Variants in STXBP4 observed in about 807,000 individuals in gnomAD.
STXBP4 encodes the protein syntaxin binding protein 4, also known as syntaxin-binding protein 4.
STXBP4 carries 55 observed loss-of-function variants against 76.1 expected under a neutral mutation model. The observed-to-expected ratio is 0.72, with a 90% CI of 0.58 to 0.91. The LOEUF (loss-of-function observed/expected upper bound fraction) is 0.91, where lower values mean the gene tolerates loss of function less well. STXBP4 is among the 40% of genes least tolerant of loss of function. The probability of loss-of-function intolerance (pLI) is 0.00; values close to 1 mark genes in which losing one functional copy is unlikely to be tolerated. For missense variants in STXBP4, 618 were observed against 636.9 expected, an observed-to-expected ratio of 0.97 and a Z score of 0.32; for synonymous variants, 201 against 220.2, an observed-to-expected ratio of 0.91 and a Z score of 0.77.
At chr17:55,204,835 CACACACACAA>C in the STXBP4 span, among the ~76,000 whole-genome samples, 26,959 of 82,854 alleles carry the variant, frequency 0.33, 2,505 homozygotes, top group Non-Finnish European at 0.42. Flanking sequence ...CACACACACA[CACACACACAA>C]ACACACATAC....
At position 55,052,941 on chromosome 17, in the gene STXBP4, GT is replaced by G. The variant is rs1567739261; in HGVS notation, c.1011+5788del. 4.3e-4 allele frequency among the ~76,000 whole-genome samples: 61 copies of G among 143,324 alleles called. No individual in the cohort carries two copies. The South Asian group carries it at 0.014, about 33-fold the overall frequency. 94.0% of individuals were successfully genotyped at this position (143,324 alleles called of 152,430 possible). A position where few individuals can be genotyped will look rare whatever the true frequency, so the allele number is the denominator to read the frequency against. Reference sequence around the variant, plus strand: ...CGTGTGTGTGTGTGTGTGTGTGTGTGTGTGTGTGTGGGTTGTATTCTTTAGA... The same window carrying G: ...CGTGTGTGTGTGTGTGTGTGTGTGTGGTGTGTGTGGGTTGTATTCTTTAGA... On this transcript the variant is annotated intron_variant, in intron 12 of 17. Coordinates refer to ENST00000376352, the MANE Select transcript of STXBP4 (RefSeq NM_178509.6).
chr17:55,067,043 T>C (rs928545107), intron 12 of STXBP4, among the ~76,000 whole-genome samples: 2 of 152,224 alleles, frequency 1.3e-5, no homozygotes, highest in Non-Finnish European at 2.9e-5. Flanking sequence ...CTTGCCTAAA[T>C]AAGTTCCTTA....
intron 1 of STXBP4, among the ~76,000 whole-genome samples, chr17:54,975,660 G>A (rs1279011909): frequency 6.6e-6 from 1 of 152,128 alleles, no homozygotes; most frequent in African/African-American, 2.4e-5. Flanking sequence ...GAATAGTCAG[G>A]TTAAGTGAAA....
At chr17:55,203,059 C>T in the STXBP4 span, among the ~76,000 whole-genome samples, 1 of 152,246 alleles carries the variant, frequency 6.6e-6, no homozygotes, top group South Asian at 2.1e-4. Flanking sequence ...AGCTCATCTG[C>T]TGTAGTTGAG....
intron 16 of STXBP4, among the ~76,000 whole-genome samples, chr17:55,134,776 T>G (rs1246219053): frequency 6.6e-6 from 1 of 152,136 alleles, no homozygotes; most frequent in East Asian, 1.9e-4. Flanking sequence ...GTTTCATTAG[T>G]GCACAGAATA....
chr17:54,983,382 G>A (rs1160975206), intron 1 of STXBP4, among the ~76,000 whole-genome samples: 2 of 152,162 alleles, frequency 1.3e-5, no homozygotes, highest in Admixed American at 1.3e-4. Flanking sequence ...GCTTGAATAT[G>A]TTCCCAGGGG....
chr17:55,205,073 T>C, the STXBP4 span, among the ~76,000 whole-genome samples: 1 of 152,100 alleles, frequency 6.6e-6, no homozygotes, highest in Non-Finnish European at 1.5e-5. Flanking sequence ...TTCCACTATG[T>C]TGGAGTTTGA....
chr17:55,046,414 A>G (rs535043292), intron 11 of STXBP4, among the ~76,000 whole-genome samples: 2 of 152,084 alleles, frequency 1.3e-5, no homozygotes, highest in Admixed American at 6.6e-5. Flanking sequence ...TGTTCGAGCA[A>G]TTCCTCTGTT....
chr17:55,094,852 A>G (rs1379395440), intron 16 of STXBP4, among the ~76,000 whole-genome samples: 1 of 152,216 alleles, frequency 6.6e-6, no homozygotes, highest in Admixed American at 6.5e-5. Context: ...AAAAATCAGG[A>G]AGCCATGATG....
Position 55,012,192 on chromosome 17 carries a change from C to T in STXBP4, c.666+4595C>T, listed in dbSNP as rs149371052. ...TTCTTTGGCACACTTCACAGTGCAC[C>T]ATTGGTTACCTTTCCATTGGTTAGC... On this transcript the variant is annotated intron_variant, in intron 8 of 17. Coordinates refer to ENST00000376352, the MANE Select transcript of STXBP4 (RefSeq NM_178509.6). 1.4e-3 allele frequency among the ~76,000 whole-genome samples: 213 copies of T among 152,208 alleles called. 1 individual carries two copies. The highest frequency in any genetic ancestry group is 2.1e-3 in the Non-Finnish European group (146 of 68,010).
rs1048334327 is a variant in STXBP4, at chr17:55,163,514, C to T, written c.*3603C>T. ...GCATCTTCGAGTTCTTTGGGCCTCA[C>T]TTTCCCTATCTGAATAATAAGGATA... On this transcript the variant is annotated 3_prime_UTR_variant, in exon 18 of 18. Transcript: ENST00000376352. 3.3e-5 allele frequency: 5 copies of T among 152,172 alleles called. No individual in the cohort carries two copies. Among genetic ancestry groups the T allele is most frequent in the Non-Finnish European group, 7.3e-5 (5 of 68,030 alleles). 9.4% of individuals were successfully genotyped at this position (152,172 alleles called of 1,614,324 possible).
chr17:55,211,069 C>T, the STXBP4 span, among the ~76,000 whole-genome samples: 1 of 151,768 alleles, frequency 6.6e-6, no homozygotes, highest in African/African-American at 2.4e-5. Flanking sequence ...CATTTTAAAA[C>T]TTTTAGGACT....
chr17:55,181,128 C>T, the STXBP4 span, among the ~76,000 whole-genome samples: 1 of 152,198 alleles, frequency 6.6e-6, no homozygotes, highest in African/African-American at 2.4e-5. Context: ...TGTTTCTTCT[C>T]AGCTCCTTCA....
At chr17:54,973,995 T>G (rs2144274069) in intron 1 of STXBP4, among the ~76,000 whole-genome samples, 1 of 152,360 alleles carries the variant, frequency 6.6e-6, no homozygotes, top group South Asian at 2.1e-4. Flanking sequence ...AATGTTTTCT[T>G]ATCTGATTAT....
intron 16 of STXBP4, among the ~76,000 whole-genome samples, chr17:55,082,289 T>C (rs1293563361): frequency 6.6e-6 from 1 of 152,186 alleles, no homozygotes; most frequent in Non-Finnish European, 1.5e-5. Flanking sequence ...CATGAGCAGA[T>C]TGTCATCAGT....
rs568782678 is a variant in STXBP4, at chr17:55,016,009, C to T, written c.666+8412C>T. 1.1e-4 allele frequency among the ~76,000 whole-genome samples: 17 copies of T among 152,260 alleles called. No homozygotes were observed. The East Asian group carries it at 3.1e-3, about 28-fold the overall frequency. Reference sequence around the variant, plus strand: ...GGCAGTACTGCAGAAGAATATAAGTCATAGCGTCTGAGGGTCAAATTGGTC... The same window carrying T: ...GGCAGTACTGCAGAAGAATATAAGTTATAGCGTCTGAGGGTCAAATTGGTC... On this transcript the variant is annotated intron_variant, in intron 8 of 17. Coordinates refer to ENST00000376352, the MANE Select transcript of STXBP4 (RefSeq NM_178509.6).
At chr17:54,992,275 C>T (rs988740962) in intron 4 of STXBP4, among the ~76,000 whole-genome samples, 2 of 151,440 alleles carry the variant, frequency 1.3e-5, no homozygotes, top group Non-Finnish European at 2.9e-5. Context: ...AAAATCAGCC[C>T]GGCATGGTGT....
At chr17:55,093,133 T>A (rs2079439696) in intron 16 of STXBP4, among the ~76,000 whole-genome samples, 1 of 152,054 alleles carries the variant, frequency 6.6e-6, no homozygotes, top group South Asian at 2.1e-4. Flanking sequence ...TAGCTGGGAT[T>A]ACAGGTGTAC....
intron 17 of STXBP4, among the ~76,000 whole-genome samples, chr17:55,143,084 C>A (rs1452884354): frequency 2.0e-5 from 3 of 152,184 alleles, no homozygotes; most frequent in Non-Finnish European, 4.4e-5. Context: ...AGGGCATGAG[C>A]ATTTACTGAG....
Sources: allele counts gnomAD v4.1 joint callset (sites outside exome capture counted in the v4.1 genomes callset), GRCh38; gene constraint gnomAD v4.1.1; transcripts MANE v1.5; gene names NCBI Gene and HGNC (gene_info 2026-07-23, HGNC 2026-07-21).